The following CD38 variants were observed in gnomAD, a reference collection of about 807,000 sequenced individuals.
CD38 encodes CD38 molecule, also known as ADP-ribosyl cyclase/cyclic ADP-ribose hydrolase 1.
Under a neutral mutation model 36.3 loss-of-function variants are expected in CD38, and 31 were observed. The ratio of observed to expected loss-of-function variants is 0.85; its 90% CI spans 0.64 to 1.15. The LOEUF (loss-of-function observed/expected upper bound fraction) is 1.15. Among genes scored for constraint, CD38 ranks in the 50% most tolerant of loss-of-function variants. The pLI is 0.00. For synonymous variants in CD38, 131 were observed against 135.2 expected (o/e 0.97, Z 0.22); for missense variants, 380 against 371.9 (o/e 1.02, Z -0.18).
intron 1 of CD38, among the ~76,000 whole-genome samples, chr4:15,789,425 T>A (rs1183724472): frequency 6.6e-6 from 1 of 152,180 alleles, no homozygotes; most frequent in African/African-American, 2.4e-5. Context: ...TCAAAGAACA[T>A]CTTGAGGCAC....
At chr4:15,783,751 A>G (rs756654955) in intron 1 of CD38, among the ~76,000 whole-genome samples, 3 of 152,262 alleles carry the variant, frequency 2.0e-5, no homozygotes, top group Non-Finnish European at 4.4e-5. Flanking sequence ...ATTCATGTTC[A>G]TGTCGATTTC....
intron 3 of CD38, among the ~76,000 whole-genome samples, chr4:15,832,587 C>T (rs1185712147): frequency 3.9e-5 from 6 of 152,156 alleles, no homozygotes; most frequent in Admixed American, 3.9e-4. Context: ...TTTCTAGTCC[C>T]TTTACTTTCT....
At chr4:15,800,239 T>A (rs1331575061) in intron 1 of CD38, among the ~76,000 whole-genome samples, 1 of 152,190 alleles carries the variant, frequency 6.6e-6, no homozygotes, top group African/African-American at 2.4e-5. Flanking sequence ...CTGTCTTAAC[T>A]GGCAAGCCAC....
chr4:15,852,972 G>C lies in CD38; in HGVS notation c.*4370G>C, dbSNP rs939563614. ...ACTGCAGGCGCCCGCCATCTCGCCCGGCTAATTTTTTGTATTTTTAGTAGA... is the reference window on the plus strand; with the variant it reads ...ACTGCAGGCGCCCGCCATCTCGCCCCGCTAATTTTTTGTATTTTTAGTAGA... On this transcript the variant is annotated 3_prime_UTR_variant, in exon 8 of 8. Coordinates refer to ENST00000226279, the MANE Select transcript of CD38 (RefSeq NM_001775.4). 2 of 152,032 alleles carry C rather than the reference G, an allele frequency of 1.3e-5. No homozygotes were observed. The highest frequency in any genetic ancestry group is 4.8e-5 in the African/African-American group (2 of 41,360). The allele number at this position is 152,032 out of a possible 1,614,324, so 9.4% of individuals were successfully genotyped here.
intron 1 of CD38, 85 bp from the exon 2 acceptor site, chr4:15,816,426 A>T: frequency 8.4e-7 from 1 of 1,189,762 alleles, no homozygotes; most frequent in African/African-American, 1.5e-5. Context: ...GATGCTTCCT[A>T]AATAAGATTC....
In CD38 at chr4:15,780,518, TCACACACACACA is replaced by T. The variant is rs59324393; in HGVS notation, c.233+1910_233+1921del. On this transcript the variant is annotated intron_variant, in intron 1 of 7. Transcript: ENST00000226279. Reference sequence around the variant, plus strand: ...TATATTTTAGATAATATTCTCTCTCTCACACACACACACACACACACACACACACACACACAC... The same window carrying T: ...TATATTTTAGATAATATTCTCTCTCTCACACACACACACACACACACACAC... Among the ~76,000 whole-genome samples, 342 of 140,106 alleles carry T rather than the reference TCACACACACACA, an allele frequency of 2.4e-3. 4 individuals carry two copies. The highest frequency in any genetic ancestry group is 2.8e-3 in the East Asian group (13 of 4,634). 91.9% of individuals were successfully genotyped at this position (140,106 alleles called of 152,430 possible). A position where few individuals can be genotyped will look rare whatever the true frequency, so the allele number is the denominator to read the frequency against.
chr4:15,785,353 A>T (rs1229676138), intron 1 of CD38, among the ~76,000 whole-genome samples: 2 of 152,158 alleles, frequency 1.3e-5, no homozygotes, highest in Non-Finnish European at 2.9e-5. Flanking sequence ...GTGGGAAACA[A>T]CAGATATCAG....
At chr4:15,798,063 T>C (rs546586588) in intron 1 of CD38, among the ~76,000 whole-genome samples, 1 of 152,238 alleles carries the variant, frequency 6.6e-6, no homozygotes, top group Non-Finnish European at 1.5e-5. Context: ...TTGTAAATTT[T>C]AAACAAATGT....
At chr4:15,796,283 G>A (rs1352728031) in intron 1 of CD38, among the ~76,000 whole-genome samples, 2 of 152,024 alleles carry the variant, frequency 1.3e-5, no homozygotes, top group East Asian at 1.9e-4. Context: ...TTGAACCCCA[G>A]GATCTGAATA....
At chr4:15,848,445 G>A in intron 7 of CD38, 94 bp from the exon 8 acceptor site, 2 of 829,310 alleles carry the variant, frequency 2.4e-6, no homozygotes, top group Non-Finnish European at 4.1e-6. Flanking sequence ...TGTGCACCTT[G>A]TCGTCGCTAA....
intron 1 of CD38, among the ~76,000 whole-genome samples, chr4:15,805,595 G>C (rs1469919983): frequency 6.6e-6 from 1 of 152,144 alleles, no homozygotes; most frequent in Non-Finnish European, 1.5e-5. Context: ...GAAGAACAGA[G>C]ACCTGTGTTT....
chr4:15,785,257 G>C (rs149180997), intron 1 of CD38, among the ~76,000 whole-genome samples: 198 of 152,286 alleles, frequency 1.3e-3, no homozygotes, highest in African/African-American at 4.5e-3. Context: ...GGTGCTACCA[G>C]GGTATCAGGG....
At chr4:15,785,078 A>G (rs1722783476) in intron 1 of CD38, among the ~76,000 whole-genome samples, 1 of 151,700 alleles carries the variant, frequency 6.6e-6, no homozygotes, top group Admixed American at 6.6e-5. Context: ...TCTCAGGTGC[A>G]CCTGAGACAG....
chr4:15,826,677 G>A (rs575836076), intron 3 of CD38, among the ~76,000 whole-genome samples: 2 of 152,134 alleles, frequency 1.3e-5, no homozygotes, highest in South Asian at 4.2e-4. Context: ...AGGTGGAGGA[G>A]GGAGGATCAC....
intron 1 of CD38, among the ~76,000 whole-genome samples, chr4:15,784,827 G>A (rs924273718): frequency 2.2e-4 from 34 of 152,122 alleles, no homozygotes; most frequent in African/African-American, 6.0e-4. Flanking sequence ...GGAGGCTGAC[G>A]TGGGTGGATG....
At chr4:15,837,384 T>C (rs919754208) in intron 4 of CD38, among the ~76,000 whole-genome samples, 2 of 152,122 alleles carry the variant, frequency 1.3e-5, no homozygotes, top group African/African-American at 4.8e-5. Context: ...GTTAAACTCA[T>C]CATTATAATA....
At chr4:15,848,440 A>C in intron 7 of CD38, 99 bp from the exon 8 acceptor site, 1 of 785,784 alleles carries the variant, frequency 1.3e-6, no homozygotes, top group East Asian at 2.6e-5. Context: ...TGGTCTGTGC[A>C]CCTTGTCGTC....
At chr4:15,841,795 TGACG>T (rs958090151) in intron 7 of CD38, among the ~76,000 whole-genome samples, 12 of 140,826 alleles carry the variant, frequency 8.5e-5, no homozygotes, top group Admixed American at 6.2e-4. Context: ...AAGAAAGGGG[TGACG>T]GACGCACCTG....
At position 15,812,371 on chromosome 4, in the gene CD38, A is replaced by C. The variant is rs191445411; in HGVS notation, c.234-4140A>C. On this transcript the variant is annotated intron_variant, in intron 1 of 7. Transcript: ENST00000226279. ...TTATAGAGATTACATTGAAGCTGTA[A>C]ATCAGCTTGGAGAATACTGTCATCT... Among the ~76,000 whole-genome samples the C allele has an allele frequency of 1.1e-4, 16 of 152,306 alleles. No homozygotes were observed. In the East Asian group the frequency reaches 2.7e-3, roughly 26 times the overall value.
Sources: allele counts gnomAD v4.1 joint callset (sites outside exome capture counted in the v4.1 genomes callset), GRCh38; gene constraint gnomAD v4.1.1; transcripts MANE v1.5; gene names NCBI Gene and HGNC (gene_info 2026-07-23, HGNC 2026-07-21).